The following CNTN1 variants were observed in gnomAD, a reference collection of about 807,000 sequenced individuals.
CNTN1 encodes contactin-1.
A neutral mutation model predicts 126.4 loss-of-function variants in CNTN1; 38 were observed. That is an observed-to-expected ratio of 0.30 (90% CI 0.23 to 0.39). CNTN1 has a LOEUF of 0.39. Ranked by LOEUF, CNTN1 falls within the 10% of genes least tolerant of loss-of-function variation. The pLI is 1.00. For missense variants in CNTN1, 1,009 were observed against 1,248.4 expected, an observed-to-expected ratio of 0.81 and a Z score of 2.89; for synonymous variants, 413 against 422.6, an observed-to-expected ratio of 0.98 and a Z score of 0.28.
chr12:40,812,839 G>A (rs1335679868), intron 1 of CNTN1, among the ~76,000 whole-genome samples: 7 of 150,902 alleles, frequency 4.6e-5, no homozygotes, highest in Admixed American at 4.6e-4. Flanking sequence ...TCATTTGTCT[G>A]TTTTAATCCA....
chr12:40,767,893 T>C (rs1740673363), intron 1 of CNTN1, among the ~76,000 whole-genome samples: 1 of 152,218 alleles, frequency 6.6e-6, no homozygotes, highest in Non-Finnish European at 1.5e-5. Context: ...ATAAGGCCCA[T>C]TAATGTTTCT....
intron 1 of CNTN1, among the ~76,000 whole-genome samples, chr12:40,698,804 G>A (rs1447804035): frequency 6.6e-6 from 1 of 152,014 alleles, no homozygotes; most frequent in African/African-American, 2.4e-5. Flanking sequence ...TAAATGGTAC[G>A]TGGTAACTTC....
chr12:40,971,012 G>A (rs990303546), intron 15 of CNTN1, among the ~76,000 whole-genome samples: 3 of 150,342 alleles, frequency 2.0e-5, no homozygotes, highest in Non-Finnish European at 3.0e-5. Flanking sequence ...AGCCTTAACC[G>A]TTGATTAACT....
intron 3 of CNTN1, among the ~76,000 whole-genome samples, chr12:40,912,153 A>G (rs1295608556): frequency 1.3e-5 from 2 of 152,244 alleles, no homozygotes; most frequent in Non-Finnish European, 2.9e-5. Flanking sequence ...AAAACAAAGT[A>G]CATAAAAGAT....
At chr12:41,016,147 G>A (rs1427890606) in intron 18 of CNTN1, among the ~76,000 whole-genome samples, 1 of 151,342 alleles carries the variant, frequency 6.6e-6, no homozygotes, top group Non-Finnish European at 1.5e-5. Context: ...CCTGTTCTAG[G>A]TGCTAGGGAT....
At chr12:40,734,225 G>C (rs1038537024) in intron 1 of CNTN1, among the ~76,000 whole-genome samples, 3 of 152,036 alleles carry the variant, frequency 2.0e-5, no homozygotes, top group Non-Finnish European at 2.9e-5. Context: ...AAGAACTAAT[G>C]ATTAGGCCAA....
In CNTN1 at chr12:40,692,482, A is replaced by T. The variant is rs894303862; in HGVS notation, c.-187A>T. 6.6e-6 allele frequency: 1 copy of T among 152,580 alleles called. No individual in the cohort carries two copies. The highest frequency in any genetic ancestry group is 2.4e-5 in the African/African-American group (1 of 41,450). 9.5% of individuals were successfully genotyped at this position (152,580 alleles called of 1,614,324 possible). On this transcript the variant is annotated 5_prime_UTR_variant, in exon 1 of 24. Transcript: ENST00000551295. Reference sequence around the variant, plus strand: ...AGCCAGGGTGGGCTCCGCCGAGGCGAGGAGGGGCGCCGGTGGGGAGATGCG... The same window carrying T: ...AGCCAGGGTGGGCTCCGCCGAGGCGTGGAGGGGCGCCGGTGGGGAGATGCG...
chr12:40,934,353 T>C lies in CNTN1; in HGVS notation c.985+475T>C, dbSNP rs141028344. 1.2e-4 allele frequency among the ~76,000 whole-genome samples: 19 copies of C among 152,138 alleles called. No homozygotes were observed. In the East Asian group the frequency reaches 3.7e-3, roughly 29 times the overall value. On this transcript the variant is annotated intron_variant, in intron 9 of 23. Transcript: ENST00000551295. ...TCTGTTAGGGGCTCATGAATTTGTA[T>C]TTTTAACAAATTCCCAAAGGATGCT...
chr12:40,992,597 T>C (rs904650169), intron 16 of CNTN1, among the ~76,000 whole-genome samples: 1 of 152,100 alleles, frequency 6.6e-6, no homozygotes, highest in Non-Finnish European at 1.5e-5. Flanking sequence ...AATAAAATTA[T>C]TATGACATTT....
rs568718111 is a variant in CNTN1 at position 40,941,882 on chromosome 12, AATT to A, written c.1380-1710_1380-1708del. Among the ~76,000 whole-genome samples the A allele has an allele frequency of 3.0e-3, 458 of 152,262 alleles. 1 individual carries two copies. Among genetic ancestry groups the A allele is most frequent in the Non-Finnish European group, 5.2e-3 (354 of 68,010 alleles). On this transcript the variant is annotated intron_variant, in intron 12 of 23. Transcript: ENST00000551295. ...TCTATATTACTTTAAGAATAAAGAG[AATT>A]ATTACAAAAAAATCAGGTTTTCTAA...
chr12:41,003,957 A>G (rs1948427956), intron 17 of CNTN1, among the ~76,000 whole-genome samples: 1 of 151,984 alleles, frequency 6.6e-6, no homozygotes, highest in African/African-American at 2.4e-5. Flanking sequence ...TTGAGCTGTG[A>G]CTTTGGTTAC....
chr12:41,048,357 C>A (rs952016816), intron 23 of CNTN1, among the ~76,000 whole-genome samples: 1 of 152,106 alleles, frequency 6.6e-6, no homozygotes, highest in African/African-American at 2.4e-5. Flanking sequence ...CACATCTTTA[C>A]CATCTTCTCT....
intron 1 of CNTN1, among the ~76,000 whole-genome samples, chr12:40,732,091 C>T (rs1416778982): frequency 6.6e-6 from 1 of 151,852 alleles, no homozygotes; most frequent in Non-Finnish European, 1.5e-5. Flanking sequence ...TGTTAAATTG[C>T]AAATGAGAAA....
chr12:40,811,540 CT>C (rs986147658), intron 1 of CNTN1, among the ~76,000 whole-genome samples: 2 of 151,954 alleles, frequency 1.3e-5, no homozygotes, highest in African/African-American at 4.8e-5. Context: ...CATTTCTGGG[CT>C]TTTTTTGATA....
At chr12:40,717,737 C>T (rs1345547356) in intron 1 of CNTN1, among the ~76,000 whole-genome samples, 2 of 152,222 alleles carry the variant, frequency 1.3e-5, no homozygotes, top group East Asian at 1.9e-4. Context: ...TTTAGAATTG[C>T]GGGCACCACT....
At chr12:40,864,149 TG>T (rs1943217317) in intron 1 of CNTN1, among the ~76,000 whole-genome samples, 1 of 150,762 alleles carries the variant, frequency 6.6e-6, no homozygotes, top group Non-Finnish European at 1.5e-5. Flanking sequence ...TCTGAGTACC[TG>T]GGGTTACAGG....
rs368297547 is a variant in CNTN1, at chr12:40,881,220, G to A, written c.-76-27137G>A. On this transcript the variant is annotated intron_variant, in intron 1 of 23. Coordinates refer to ENST00000551295, the MANE Select transcript of CNTN1 (RefSeq NM_001843.4). ...CCCACCCAAATATTTACTCCAGGGTGTTGTATAATAGCACTATGCTGAAAG... is the reference window on the plus strand; with the variant it reads ...CCCACCCAAATATTTACTCCAGGGTATTGTATAATAGCACTATGCTGAAAG... Among the ~76,000 whole-genome samples, 382 of 152,026 alleles carry A rather than the reference G, an allele frequency of 2.5e-3. 3 individuals carry two copies. The South Asian group carries it at 0.03, about 12-fold the overall frequency.
At chr12:40,920,682 C>T (rs981794719) in intron 4 of CNTN1, among the ~76,000 whole-genome samples, 3 of 152,130 alleles carry the variant, frequency 2.0e-5, no homozygotes, top group Non-Finnish European at 2.9e-5. Context: ...TCTGGGACAA[C>T]GTGCTATTCA....
intron 6 of CNTN1, among the ~76,000 whole-genome samples, chr12:40,927,392 G>A (rs1446389217): frequency 3.3e-5 from 5 of 152,072 alleles, no homozygotes; most frequent in African/African-American, 1.2e-4. Flanking sequence ...GTAAGTCGGA[G>A]AGTCAGCGTG....
Sources: allele counts gnomAD v4.1 joint callset (sites outside exome capture counted in the v4.1 genomes callset), GRCh38; gene constraint gnomAD v4.1.1; transcripts MANE v1.5; gene names NCBI Gene and HGNC (gene_info 2026-07-23, HGNC 2026-07-21).